Variants in RANBP17 observed in about 807,000 individuals in gnomAD.
RANBP17 encodes the protein ran-binding protein 17.
Under a neutral mutation model 141.2 loss-of-function variants are expected in RANBP17, and 158 were observed. That is an observed-to-expected ratio of 1.12 (90% confidence interval 0.98 to 1.28). The LOEUF is 1.28. Ranked by LOEUF, RANBP17 falls within the 50% of genes most tolerant of loss-of-function variation. The probability of loss-of-function intolerance (pLI) is 0.00; values close to 1 mark genes in which losing one functional copy is unlikely to be tolerated. For missense variants in RANBP17, 1,438 were observed against 1,290.7 expected (o/e 1.11, Z -1.75); for synonymous variants, 430 against 450.0 (o/e 0.96, Z 0.56).
At chr5:171,252,864 G>C in intron 24 of RANBP17, 1 of 1,352,564 alleles carries the variant, frequency 7.4e-7, no homozygotes, top group Non-Finnish European at 1.1e-6. Flanking sequence ...TTTGGTTGTT[G>C]TTTGATGACG....
chr5:171,140,408 A>C (rs1286246296), intron 14 of RANBP17, among the ~76,000 whole-genome samples: 1 of 152,232 alleles, frequency 6.6e-6, no homozygotes, highest in Non-Finnish European at 1.5e-5. Flanking sequence ...AAGGAATAAA[A>C]GAATAAGCTA....
intron 14 of RANBP17, among the ~76,000 whole-genome samples, chr5:171,144,654 T>C (rs1757921232): frequency 6.6e-6 from 1 of 152,206 alleles, no homozygotes; most frequent in Non-Finnish European, 1.5e-5. Context: ...TCCTTTATGG[T>C]CTCTGCCTGC....
At chr5:170,999,706 C>T (rs1026240048) in intron 14 of RANBP17, among the ~76,000 whole-genome samples, 2 of 152,038 alleles carry the variant, frequency 1.3e-5, no homozygotes, top group Non-Finnish European at 2.9e-5. Flanking sequence ...ATTATTCTTT[C>T]TGAAGTCTTT....
At chr5:171,284,636 C>T (rs1050672750) in intron 25 of RANBP17, 2 of 152,106 alleles carry the variant, frequency 1.3e-5, no homozygotes, top group African/African-American at 2.4e-5. Flanking sequence ...AGGCCATGTT[C>T]CTAAAGCTCT....
intron 22 of RANBP17, among the ~76,000 whole-genome samples, chr5:171,230,639 G>C (rs367885326): frequency 2.2e-4 from 34 of 152,172 alleles, no homozygotes; most frequent in African/African-American, 7.9e-4. Context: ...GCGGGCACCT[G>C]TAATCCCAGC....
intron 14 of RANBP17, among the ~76,000 whole-genome samples, chr5:171,167,516 C>T (rs1759787772): frequency 6.6e-6 from 1 of 151,990 alleles, no homozygotes; most frequent in South Asian, 2.1e-4. Context: ...CTTTCCAAAA[C>T]CAGGATGTCA....
intron 14 of RANBP17, among the ~76,000 whole-genome samples, chr5:171,013,717 T>C (rs1304497561): frequency 1.3e-5 from 2 of 152,160 alleles, no homozygotes; most frequent in African/African-American, 4.8e-5. Flanking sequence ...CGATATTCTT[T>C]TTTAAAAATG....
At chr5:171,235,962 C>A (rs182373352) in intron 22 of RANBP17, among the ~76,000 whole-genome samples, 233 of 152,252 alleles carry the variant, frequency 1.5e-3, no homozygotes, top group South Asian at 4.1e-3. Flanking sequence ...TTTATATTCC[C>A]AACAATTTTT....
At position 171,205,607 on chromosome 5, in the gene RANBP17, C is replaced by T. The variant is rs750330414; in HGVS notation, c.2226C>T (p.Asp742=). ...NTKTSYTMLF[D]WMYPTYLPLL... is the part of the protein sequence containing the mutation. ...AGACCAGCTACACCATGCTGTTTGACTGGATGTATCCTTATTACACTGTGA... is the reference window on the plus strand; with the variant it reads ...AGACCAGCTACACCATGCTGTTTGATTGGATGTATCCTTATTACACTGTGA... The change falls in exon 20 of 28, where the codon GAC becomes GAT. Residue 742 remains aspartate (D), a synonymous_variant. Transcript: ENST00000523189. The T allele has an allele frequency of 1.9e-6, 3 of 1,612,158 alleles. No individual in the cohort carries two copies. The East Asian group carries it at 6.7e-5, about 36-fold the overall frequency.
intron 5 of RANBP17, chr5:170,903,962 A>G (rs1581107572): frequency 2.0e-6 from 1 of 493,614 alleles, no homozygotes; most frequent in East Asian, 5.2e-5. Context: ...CTCTATACAC[A>G]CTGGCGGATG....
intron 12 of RANBP17, among the ~76,000 whole-genome samples, chr5:170,935,507 G>A (rs1258380023): frequency 6.6e-6 from 1 of 152,144 alleles, no homozygotes; most frequent in Non-Finnish European, 1.5e-5. Flanking sequence ...TGTCCTTTCT[G>A]TTTGTTAGTT....
chr5:171,137,214 T>C (rs1757347253), intron 14 of RANBP17, among the ~76,000 whole-genome samples: 2 of 152,156 alleles, frequency 1.3e-5, no homozygotes, highest in African/African-American at 4.8e-5. Context: ...ATTTCCAAAA[T>C]GAGATGATGG....
chr5:171,149,626 T>C (rs955184182), intron 14 of RANBP17, among the ~76,000 whole-genome samples: 58 of 152,330 alleles, frequency 3.8e-4, no homozygotes, highest in African/African-American at 1.3e-3. Flanking sequence ...CTTTGTTTAT[T>C]GTACTTGAGC....
intron 14 of RANBP17, among the ~76,000 whole-genome samples, chr5:171,123,977 GA>G (rs1349455180): frequency 2.0e-5 from 3 of 152,034 alleles, no homozygotes; most frequent in Admixed American, 2.0e-4. Flanking sequence ...AAAAAGCAGG[GA>G]AACATGGCAA....
chr5:170,961,174 C>T (rs944486938), intron 13 of RANBP17, among the ~76,000 whole-genome samples: 1 of 152,292 alleles, frequency 6.6e-6, no homozygotes, highest in Admixed American at 6.5e-5. Flanking sequence ...CCAGCTGCTT[C>T]TTTTATCTTC....
At chr5:171,072,751 A>C (rs1784700670) in intron 14 of RANBP17, among the ~76,000 whole-genome samples, 1 of 152,164 alleles carries the variant, frequency 6.6e-6, no homozygotes, top group Admixed American at 6.5e-5. Context: ...ATTTACCTAA[A>C]TGTATTGAAA....
chr5:170,963,645 C>T (rs1486309444), intron 13 of RANBP17, among the ~76,000 whole-genome samples: 4 of 152,176 alleles, frequency 2.6e-5, no homozygotes, highest in Non-Finnish European at 5.9e-5. Context: ...GCACAGTTCA[C>T]AGTAGGGTTT....
intron 14 of RANBP17, among the ~76,000 whole-genome samples, chr5:171,066,391 G>C (rs1784314719): frequency 6.6e-6 from 1 of 152,012 alleles, no homozygotes; most frequent in Non-Finnish European, 1.5e-5. Flanking sequence ...AGGTTTTTTT[G>C]ATTCCACATA....
chr5:171,040,960 T>A (rs188128637), intron 14 of RANBP17, among the ~76,000 whole-genome samples: 1 of 152,194 alleles, frequency 6.6e-6, no homozygotes. Flanking sequence ...TTTTATGAGG[T>A]TTCAGTCGAA....
Sources: allele counts gnomAD v4.1 joint callset (sites outside exome capture counted in the v4.1 genomes callset), GRCh38; gene constraint gnomAD v4.1.1; transcripts MANE v1.5; gene names NCBI Gene and HGNC (gene_info 2026-07-23, HGNC 2026-07-21).